Variants in SLC39A11 observed in about 807,000 individuals in gnomAD.
SLC39A11 encodes zinc transporter ZIP11.
In SLC39A11, 33 loss-of-function variants were observed where a neutral mutation model predicts 36.1. The observed-to-expected ratio is 0.91, with a 90% CI of 0.69 to 1.22. The LOEUF (loss-of-function observed/expected upper bound fraction) is 1.22. Ranked by LOEUF, SLC39A11 falls within the 50% of genes most tolerant of loss-of-function variation. SLC39A11 has a pLI of 0.00. For synonymous variants in SLC39A11, 166 were observed against 170.3 expected, an observed-to-expected ratio of 0.97 and a Z score of 0.20; for missense variants, 432 against 430.3, an observed-to-expected ratio of 1.00 and a Z score of -0.03.
chr17:72,871,140 C>T (rs188255990), intron 5 of SLC39A11, among the ~76,000 whole-genome samples: 69 of 150,526 alleles, frequency 4.6e-4, no homozygotes, highest in Non-Finnish European at 7.2e-4. Flanking sequence ...AGGCTCACTG[C>T]GTCTTCCGCC....
At position 72,898,159 on chromosome 17, in the gene SLC39A11, C is replaced by T. The variant is rs990378213; in HGVS notation, c.431-48355G>A. Among the ~76,000 whole-genome samples the T allele has an allele frequency of 4.6e-5, 7 of 152,290 alleles. No individual in the cohort carries two copies. In the South Asian group the frequency reaches 1.5e-3, roughly 32 times the overall value. ...GCATCTGGCAATTTGGGGGCCACCT[C>T]AGTAAGACCAGTTCCAGTGGACAGA... On this transcript the variant is annotated intron_variant, in intron 5 of 9. Coordinates refer to ENST00000255559, the MANE Select transcript of SLC39A11 (RefSeq NM_139177.4).
intron 4 of SLC39A11, among the ~76,000 whole-genome samples, chr17:73,025,371 G>A (rs1314589170): frequency 1.3e-5 from 2 of 152,188 alleles, no homozygotes; most frequent in African/African-American, 4.8e-5. Flanking sequence ...TGCAAACCAA[G>A]CTGCGAAAAG....
At chr17:72,995,317 C>T (rs1180036030) in intron 4 of SLC39A11, among the ~76,000 whole-genome samples, 2 of 152,158 alleles carry the variant, frequency 1.3e-5, no homozygotes, top group Admixed American at 6.5e-5. Flanking sequence ...CTAAGCACTA[C>T]ATCAGGCCTG....
chr17:72,674,068 T>TA (rs1012482833), intron 7 of SLC39A11, among the ~76,000 whole-genome samples: 2 of 151,638 alleles, frequency 1.3e-5, no homozygotes, highest in Middle Eastern at 3.2e-3. Context: ...ACTCTGTCTT[T>TA]AAAAAAAATA....
At chr17:72,980,595 G>C (rs776932739) in intron 4 of SLC39A11, among the ~76,000 whole-genome samples, 1 of 152,182 alleles carries the variant, frequency 6.6e-6, no homozygotes, top group South Asian at 2.1e-4. Flanking sequence ...GAATAACCAA[G>C]AAACTTTTGA....
intron 6 of SLC39A11, among the ~76,000 whole-genome samples, chr17:72,812,224 G>A (rs558985046): frequency 3.0e-4 from 46 of 152,262 alleles, no homozygotes; most frequent in East Asian, 3.9e-4. Context: ...AGATCCTTTC[G>A]GAGGGAAGAC....
chr17:72,868,002 A>C (rs1388167266), intron 5 of SLC39A11, among the ~76,000 whole-genome samples: 1 of 152,248 alleles, frequency 6.6e-6, no homozygotes, highest in Non-Finnish European at 1.5e-5. Flanking sequence ...TTTCCACTTT[A>C]ACCAATCAGA....
In SLC39A11 at chr17:73,004,485, C is replaced by T. The variant is rs974400510; in HGVS notation, c.306+27071G>A. ...ATCCCATATGAGGGCCCCATCCTCACGACATCATCTAAACCTAATTACCTC... is the reference window on the plus strand; with the variant it reads ...ATCCCATATGAGGGCCCCATCCTCATGACATCATCTAAACCTAATTACCTC... On this transcript the variant is annotated intron_variant, in intron 4 of 9. Coordinates refer to ENST00000255559, the MANE Select transcript of SLC39A11 (RefSeq NM_139177.4). 4.6e-5 allele frequency among the ~76,000 whole-genome samples: 7 copies of T among 152,162 alleles called. No homozygotes were observed. The East Asian group carries it at 5.8e-4, about 13-fold the overall frequency.
intron 1 of SLC39A11, among the ~76,000 whole-genome samples, chr17:73,089,076 T>C (rs1245763140): frequency 6.6e-6 from 1 of 152,150 alleles, no homozygotes; most frequent in Non-Finnish European, 1.5e-5. Flanking sequence ...ACAAAGAATG[T>C]GGTTTATTCC....
intron 4 of SLC39A11, among the ~76,000 whole-genome samples, chr17:73,023,770 T>G (rs2148612122): frequency 6.6e-6 from 1 of 152,312 alleles, no homozygotes; most frequent in East Asian, 1.9e-4. Context: ...ATTACAGGTG[T>G]GAGCCACCAC....
At position 72,736,664 on chromosome 17, in the gene SLC39A11, G is replaced by A; in HGVS notation, c.657C>T (p.Thr219=). The A allele has an allele frequency of 6.2e-7, 1 of 1,614,038 alleles. No homozygotes were observed. The highest frequency in any genetic ancestry group is 8.5e-7 in the Non-Finnish European group (1 of 1,179,930). ...FGAIEKTASA[T]FESARNLAIG... is the part of the protein sequence containing the mutation. ...TGCTGGCTTACCTGGCACTCTCAAA[G>A]GTAGCAGATGCCGTCTTTTCTATAG... The change falls in exon 7 of 10, where the codon ACC becomes ACT. Residue 219 remains threonine, a synonymous_variant. Transcript: ENST00000255559.
intron 5 of SLC39A11, among the ~76,000 whole-genome samples, chr17:72,862,709 T>C (rs1156679845): frequency 3.3e-5 from 5 of 152,060 alleles, no homozygotes; most frequent in African/African-American, 1.2e-4. Flanking sequence ...GTCCTAGTGT[T>C]CAGATGAGTA....
rs185566624 is a variant in SLC39A11, at chr17:73,091,957, G to A, written c.-12+654C>T. On this transcript the variant is annotated intron_variant, in intron 1 of 9. Coordinates refer to ENST00000255559, the MANE Select transcript of SLC39A11 (RefSeq NM_139177.4). ...AGAGGCTGGTGAAGTTGCAGAAGTG[G>A]AAACAGCACTAGGGCTGCTGGGCCT... The A allele has an allele frequency of 3.9e-3, 596 of 152,362 alleles. 5 individuals are homozygous for A. The highest frequency in any genetic ancestry group is 5.6e-3 in the Non-Finnish European group (384 of 68,090). The allele number at this position is 152,362 out of a possible 1,614,324, so 9.4% of individuals were successfully genotyped here. A position where few individuals can be genotyped will look rare whatever the true frequency, so the allele number is the denominator to read the frequency against.
chr17:73,033,583 A>G (rs557196552), intron 3 of SLC39A11, among the ~76,000 whole-genome samples: 1 of 152,270 alleles, frequency 6.6e-6, no homozygotes, highest in East Asian at 1.9e-4. Context: ...CCTCTTAAAA[A>G]TAAGAAGCTC....
At chr17:73,060,210 C>CAAAAAAAAAAAAAAAAAAAAAAA (rs33931672) in intron 3 of SLC39A11, among the ~76,000 whole-genome samples, 4 of 70,344 alleles carry the variant, frequency 5.7e-5, no homozygotes, top group Non-Finnish European at 7.9e-5. Context: ...AACTCCATCT[C>CAAAAAAAAAAAAAAAAAAAAAAA]AAAAAAAAAA....
At chr17:72,754,045 TAC>T (rs1383818868) in intron 6 of SLC39A11, among the ~76,000 whole-genome samples, 136 of 53,218 alleles carry the variant, frequency 2.6e-3, no homozygotes, top group East Asian at 1.0e-2. Context: ...TATATATATA[TAC>T]ACATACACAC....
chr17:72,732,554 G>C (rs187211714), intron 7 of SLC39A11, among the ~76,000 whole-genome samples: 14 of 152,262 alleles, frequency 9.2e-5, no homozygotes, highest in Middle Eastern at 3.4e-3. Flanking sequence ...CCCTCGGTTC[G>C]GGTCTGTCTG....
chr17:73,015,119 C>T (rs1474308461), intron 4 of SLC39A11, among the ~76,000 whole-genome samples: 1 of 152,204 alleles, frequency 6.6e-6, no homozygotes, highest in Admixed American at 6.5e-5. Context: ...TCTGGTATGG[C>T]CTCACAGCCA....
At chr17:72,874,346 T>C (rs2080788401) in intron 5 of SLC39A11, among the ~76,000 whole-genome samples, 1 of 152,160 alleles carries the variant, frequency 6.6e-6, no homozygotes, top group Admixed American at 6.5e-5. Context: ...GATGTAGAAC[T>C]GTCTCTGTTC....
Sources: allele counts gnomAD v4.1 joint callset (sites outside exome capture counted in the v4.1 genomes callset), GRCh38; gene constraint gnomAD v4.1.1; transcripts MANE v1.5; gene names NCBI Gene and HGNC (gene_info 2026-07-23, HGNC 2026-07-21).